HCRTR2: variants seen among roughly 807,000 people sequenced by gnomAD.
HCRTR2 encodes the protein orexin receptor type 2.
Under a neutral mutation model 49.0 loss-of-function variants are expected in HCRTR2, and 22 were observed. The ratio of observed to expected loss-of-function variants is 0.45; its 90% CI spans 0.32 to 0.64. HCRTR2 has a LOEUF of 0.64. HCRTR2 is among the 30% of genes least tolerant of loss of function. The pLI, the probability that HCRTR2 is intolerant of heterozygous loss-of-function variation, is 0.04. For missense variants in HCRTR2, 491 were observed against 559.4 expected (o/e 0.88, Z 1.23); for synonymous variants, 236 against 205.3 (o/e 1.15, Z -1.28).
intron 1 of HCRTR2, among the ~76,000 whole-genome samples, chr6:55,134,099 T>G (rs1050390840): frequency 6.6e-6 from 1 of 151,884 alleles, no homozygotes; most frequent in Non-Finnish European, 1.5e-5. Context: ...TCTTCATTTC[T>G]CCACCAAAAT....
In HCRTR2 at chr6:55,174,627, A is replaced by T; in HGVS notation, c.40A>T (p.Asn14Tyr). The T allele has an allele frequency of 6.2e-7, 1 of 1,613,974 alleles. No individual in the cohort carries two copies. Among genetic ancestry groups the T allele is most frequent in the Non-Finnish European group, 8.5e-7 (1 of 1,179,986 alleles). The stretch of plus-strand genomic sequence containing the variant: ...ATTGGAGGACTCCCCCCCTTGTCGC[A>T]ACTGGTCATCTGCTTCGGAGCTGAA... ...TKLEDSPPCR[N>Y]WSSASELNET... The change falls in exon 1 of 7, where the codon AAC (asparagine) becomes TAC (tyrosine). Residue 14 changes from asparagine to tyrosine, a missense_variant. Coordinates refer to ENST00000370862, the MANE Select transcript of HCRTR2 (RefSeq NM_001384272.1).
chr6:55,148,909 A>G (rs1764628678), intron 1 of HCRTR2, among the ~76,000 whole-genome samples: 1 of 152,136 alleles, frequency 6.6e-6, no homozygotes, highest in Admixed American at 6.6e-5. Flanking sequence ...AACTTGAATG[A>G]TAAGAAAATA....
At chr6:55,153,264 A>T (rs186371375) in intron 1 of HCRTR2, among the ~76,000 whole-genome samples, 6 of 152,120 alleles carry the variant, frequency 3.9e-5, no homozygotes, top group African/African-American at 1.4e-4. Flanking sequence ...ATTCTGAGAA[A>T]TGCATTATTA....
intron 1 of HCRTR2, among the ~76,000 whole-genome samples, chr6:55,220,176 C>T (rs973049432): frequency 2.0e-5 from 3 of 152,106 alleles, no homozygotes; most frequent in Non-Finnish European, 4.4e-5. Flanking sequence ...GAGGACGAAG[C>T]ATTTCAAACT....
intron 1 of HCRTR2, among the ~76,000 whole-genome samples, chr6:55,220,507 C>T (rs775172169): frequency 3.3e-5 from 5 of 152,062 alleles, no homozygotes; most frequent in Non-Finnish European, 5.9e-5. Context: ...GTTTAATACC[C>T]TTTCGTAATA....
At chr6:55,113,204 T>C (rs1452137859) in intron 1 of HCRTR2, among the ~76,000 whole-genome samples, 1 of 151,940 alleles carries the variant, frequency 6.6e-6, no homozygotes, top group Non-Finnish European at 1.5e-5. Flanking sequence ...AAAACCCTTC[T>C]AGACATTGGC....
At chr6:55,263,572 C>CT (rs1766807663) in intron 3 of HCRTR2, 135 bp from the exon 4 acceptor site, 5 of 659,204 alleles carry the variant, frequency 7.6e-6, no homozygotes, top group African/African-American at 7.2e-5. Context: ...TTATTTTTCC[C>CT]CTTTGCATAC....
intron 1 of HCRTR2, among the ~76,000 whole-genome samples, chr6:55,208,151 C>T (rs908157147): frequency 6.6e-6 from 1 of 151,892 alleles, no homozygotes; most frequent in African/African-American, 2.4e-5. Flanking sequence ...GAGCAGAATT[C>T]TTAATTGTAT....
chr6:55,115,066 T>A (rs1371808229), intron 1 of HCRTR2, among the ~76,000 whole-genome samples: 3 of 151,800 alleles, frequency 2.0e-5, no homozygotes, highest in Non-Finnish European at 4.4e-5. Flanking sequence ...GTGAGAATTT[T>A]CCAATAGTGT....
At chr6:55,213,393 G>T (rs1163431811) in intron 1 of HCRTR2, among the ~76,000 whole-genome samples, 1 of 152,054 alleles carries the variant, frequency 6.6e-6, no homozygotes. Flanking sequence ...AATTTAAGGA[G>T]AATTAAAACT....
rs1481641093 is a variant in HCRTR2, at chr6:55,282,389, G to A, written c.1270G>A (p.Val424Ile). ...FDNISKLSEQ[V>I]VLTSISTLPA... is the part of the protein sequence containing the mutation. ...TAACATATCAAAACTTTCTGAGCAA[G>A]TTGTGCTCACTAGCATAAGCACACT... The change falls in exon 7 of 7, where the codon GTT (valine) becomes ATT (isoleucine). Residue 424 changes from valine to isoleucine, a missense_variant. By Grantham distance (29) the Val-to-Ile change is conservative. Coordinates refer to ENST00000370862, the MANE Select transcript of HCRTR2 (RefSeq NM_001384272.1). The A allele has an allele frequency of 1.2e-6, 2 of 1,613,184 alleles. No individual in the cohort carries two copies. Among genetic ancestry groups the A allele is most frequent in the Admixed American group, 1.7e-5 (1 of 59,902 alleles).
At chr6:55,262,465 TATCTA>T (rs1766779908) in intron 3 of HCRTR2, among the ~76,000 whole-genome samples, 1 of 131,562 alleles carries the variant, frequency 7.6e-6, no homozygotes, top group Non-Finnish European at 1.5e-5. Flanking sequence ...ATTTATATTA[TATCTA>T]AATATATAAT....
At chr6:55,151,164 T>G (rs1325285898) in intron 1 of HCRTR2, among the ~76,000 whole-genome samples, 1 of 152,008 alleles carries the variant, frequency 6.6e-6, no homozygotes, top group Non-Finnish European at 1.5e-5. Flanking sequence ...TGTTGAAGGT[T>G]GAGGTGGCTG....
At chr6:55,206,104 C>T (rs1054407641) in intron 1 of HCRTR2, among the ~76,000 whole-genome samples, 1 of 151,928 alleles carries the variant, frequency 6.6e-6, no homozygotes, top group Non-Finnish European at 1.5e-5. Flanking sequence ...AATATTTAAT[C>T]AGACTTTGAG....
At chr6:55,133,386 A>C (rs925054015) in intron 1 of HCRTR2, among the ~76,000 whole-genome samples, 25 of 87,232 alleles carry the variant, frequency 2.9e-4, no homozygotes, top group African/African-American at 7.9e-4. Context: ...CACACACACA[A>C]AAAAACACAC....
At chr6:55,259,124 G>T (rs1766707321) in intron 3 of HCRTR2, among the ~76,000 whole-genome samples, 1 of 152,014 alleles carries the variant, frequency 6.6e-6, no homozygotes, top group South Asian at 2.1e-4. Context: ...TTCATCCAGT[G>T]TTTAATTAGC....
rs1352389030 is a variant in HCRTR2, at chr6:55,220,828, A to G, written c.224-27811A>G. ...AAAATTCTAAAAATCACACAAGGAA[A>G]CTGTTGCAACTAGTAAGTTCATCAA... On this transcript the variant is annotated intron_variant, in intron 1 of 6. Transcript: ENST00000370862. Among the ~76,000 whole-genome samples, 110 of 152,174 alleles carry G rather than the reference A, an allele frequency of 7.2e-4. 1 individual carries two copies. Among genetic ancestry groups the G allele is most frequent in the Admixed American group, 7.2e-3 (110 of 15,282 alleles).
intron 3 of HCRTR2, among the ~76,000 whole-genome samples, chr6:55,256,898 G>A (rs1212274571): frequency 2.0e-5 from 3 of 151,980 alleles, no homozygotes; most frequent in African/African-American, 4.8e-5. Flanking sequence ...TTTTTATAGG[G>A]TAATCAGTAT....
chr6:55,282,188 T>A (rs1258925710), intron 6 of HCRTR2, 37 bp from the exon 7 acceptor site: 1 of 1,426,420 alleles, frequency 7.0e-7, no homozygotes, highest in South Asian at 1.2e-5. Flanking sequence ...AGCATTTATG[T>A]ATAATTCCTT....
Sources: gnomAD v4.1 joint callset for allele counts (sites outside exome capture counted in the v4.1 genomes callset) on GRCh38, gnomAD v4.1.1 for gene constraint, MANE v1.5 for transcripts, NCBI Gene and HGNC (gene_info 2026-07-23, HGNC 2026-07-21) for gene names.